CTNNA3: variants seen among roughly 807,000 people sequenced by gnomAD.
CTNNA3 encodes the protein catenin alpha-3.
CTNNA3 carries 76 observed loss-of-function variants against 95.7 expected under a neutral mutation model. That is an observed-to-expected ratio of 0.79 (90% CI 0.66 to 0.96). The LOEUF (loss-of-function observed/expected upper bound fraction) is 0.96, where lower values mean the gene tolerates loss of function less well. CTNNA3 is among the 40% of genes least tolerant of loss of function. The probability of loss-of-function intolerance (pLI) is 0.00; values close to 1 mark genes in which losing one functional copy is unlikely to be tolerated. For synonymous variants in CTNNA3, 431 were observed against 374.4 expected, an observed-to-expected ratio of 1.15 and a Z score of -1.74; for missense variants, 1,191 against 1,089.8, an observed-to-expected ratio of 1.09 and a Z score of -1.31.
intron 11 of CTNNA3, among the ~76,000 whole-genome samples, chr10:66,406,384 T>G (rs1315596051): frequency 6.6e-6 from 1 of 152,128 alleles, no homozygotes. Context: ...ATTGAAAAGC[T>G]TTTTCCTGTC....
intron 7 of CTNNA3, among the ~76,000 whole-genome samples, chr10:67,033,118 A>G (rs933923069): frequency 2.6e-5 from 4 of 152,264 alleles, no homozygotes; most frequent in African/African-American, 9.6e-5. Flanking sequence ...TTTAACAAAA[A>G]TAAATTGAAG....
intron 13 of CTNNA3, among the ~76,000 whole-genome samples, chr10:66,208,788 T>C (rs929119367): frequency 4.3e-4 from 65 of 152,020 alleles, no homozygotes; most frequent in African/African-American, 1.3e-3. Flanking sequence ...GCCGCAGATA[T>C]ACTTCACCCA....
intron 6 of CTNNA3, among the ~76,000 whole-genome samples, chr10:67,190,189 C>G (rs1863055064): frequency 6.6e-6 from 1 of 151,874 alleles, no homozygotes; most frequent in Admixed American, 6.6e-5. Context: ...AGACTGAGAT[C>G]ATGGCTCTAC....
intron 1 of CTNNA3, among the ~76,000 whole-genome samples, chr10:67,680,144 C>T (rs1840600353): frequency 6.6e-6 from 1 of 152,146 alleles, no homozygotes. Flanking sequence ...AGGCCCCAAG[C>T]AATCAGAGCT....
At chr10:67,231,225 C>T (rs1010553710) in intron 5 of CTNNA3, among the ~76,000 whole-genome samples, 9 of 152,244 alleles carry the variant, frequency 5.9e-5, no homozygotes, top group African/African-American at 2.2e-4. Flanking sequence ...GGGGGCAGCG[C>T]ACAGACAAAC....
chr10:65,954,345 A>T (rs1798873027), intron 17 of CTNNA3, among the ~76,000 whole-genome samples: 1 of 151,914 alleles, frequency 6.6e-6, no homozygotes, highest in African/African-American at 2.4e-5. Flanking sequence ...TTGCCTGCTC[A>T]CTCTGATGGT....
At chr10:67,491,101 T>C (rs1000968060) in intron 5 of CTNNA3, among the ~76,000 whole-genome samples, 7 of 151,336 alleles carry the variant, frequency 4.6e-5, no homozygotes, top group Non-Finnish European at 1.0e-4. Flanking sequence ...CAGTTGAAAA[T>C]ATCCCCTCAA....
At chr10:67,550,968 CAG>C (rs1841008088) in intron 3 of CTNNA3, among the ~76,000 whole-genome samples, 1 of 152,116 alleles carries the variant, frequency 6.6e-6, no homozygotes, top group South Asian at 2.1e-4. Context: ...GGAAAGGAGG[CAG>C]AGAAGAGCTG....
At chr10:67,609,015 G>C (rs545521081) in intron 2 of CTNNA3, among the ~76,000 whole-genome samples, 1 of 148,786 alleles carries the variant, frequency 6.7e-6, no homozygotes, top group Non-Finnish European at 1.5e-5. Flanking sequence ...GCTTGAACCC[G>C]GCAGGCAGAG....
intron 10 of CTNNA3, among the ~76,000 whole-genome samples, chr10:66,529,276 G>A (rs1841375115): frequency 6.6e-6 from 1 of 151,788 alleles, no homozygotes. Flanking sequence ...TTACAGATGT[G>A]TGCCACAGTG....
intron 15 of CTNNA3, among the ~76,000 whole-genome samples, chr10:66,003,739 G>A (rs553394730): frequency 3.3e-5 from 5 of 152,020 alleles, no homozygotes; most frequent in Non-Finnish European, 5.9e-5. Context: ...GTGTGATTTT[G>A]TACTGAAAAC....
At chr10:66,738,674 T>G (rs979977813) in intron 9 of CTNNA3, among the ~76,000 whole-genome samples, 2 of 152,186 alleles carry the variant, frequency 1.3e-5, no homozygotes, top group African/African-American at 4.8e-5. Flanking sequence ...AATAAGTGTA[T>G]GTATTCATTT....
chr10:67,551,207 C>G (rs368568263), intron 3 of CTNNA3, among the ~76,000 whole-genome samples: 1 of 152,140 alleles, frequency 6.6e-6, no homozygotes, highest in African/African-American at 2.4e-5. Context: ...GAGGAATACA[C>G]AAGCAGCTGA....
chr10:66,970,634 A>T (rs1357948455), intron 7 of CTNNA3, among the ~76,000 whole-genome samples: 2 of 152,128 alleles, frequency 1.3e-5, no homozygotes, highest in Non-Finnish European at 2.9e-5. Flanking sequence ...GTGACCTCAA[A>T]TATCCATGAA....
chr10:66,628,643 A>G (rs1369768427), intron 9 of CTNNA3, among the ~76,000 whole-genome samples: 1 of 152,170 alleles, frequency 6.6e-6, no homozygotes, highest in African/African-American at 2.4e-5. Flanking sequence ...TTAGAAATAA[A>G]TGGCAGTTCA....
chr10:66,046,695 A>AAAT (rs1766935680), intron 15 of CTNNA3, among the ~76,000 whole-genome samples: 1 of 152,144 alleles, frequency 6.6e-6, no homozygotes, highest in Non-Finnish European at 1.5e-5. Flanking sequence ...TTTTTGAAAA[A>AAAT]AATAATAAGA....
Position 66,089,358 on chromosome 10 carries a change from C to T in CTNNA3, c.1977+13799G>A, listed in dbSNP as rs562580236. ...CCTCTCTTTCTTTCTCCCTCCCTTC[C>T]TTTGCTCCCTTCCTTCCTTCCATCC... On this transcript the variant is annotated intron_variant, in intron 14 of 17. Transcript: ENST00000433211. Among the ~76,000 whole-genome samples, 15 of 151,720 alleles carry T rather than the reference C, an allele frequency of 9.9e-5. No homozygotes were observed. The South Asian group carries it at 2.9e-3, about 29-fold the overall frequency.
Position 67,606,934 on chromosome 10 carries a change from T to C in CTNNA3, c.215A>G (p.Lys72Arg). The change falls in exon 3 of 18, where the codon AAG becomes AGG. Residue 72 changes from lysine to arginine, a missense_variant. Physicochemically the swap from Lys to Arg is conservative, Grantham distance 26 (BLOSUM62 2). Transcript: ENST00000433211. ...AGCTTCCTGGGCAATCTTCTCTCCC[T>C]TGTCTAATAAATTCCAAGTTGCTTC... ...VEEATWNLLD[K>R]GEKIAQEATV... The C allele has an allele frequency of 6.2e-7, 1 of 1,614,094 alleles. No individual in the cohort carries two copies. The highest frequency in any genetic ancestry group is 8.5e-7 in the Non-Finnish European group (1 of 1,179,942).
At chr10:67,353,878 A>G (rs1842721774) in intron 5 of CTNNA3, among the ~76,000 whole-genome samples, 3 of 152,050 alleles carry the variant, frequency 2.0e-5, no homozygotes, top group African/African-American at 4.8e-5. Flanking sequence ...CATTGGAAAA[A>G]TAAGTCTCAG....
Sources: gnomAD v4.1 joint callset for allele counts (sites outside exome capture counted in the v4.1 genomes callset) on GRCh38, gnomAD v4.1.1 for gene constraint, MANE v1.5 for transcripts, NCBI Gene and HGNC (gene_info 2026-07-23, HGNC 2026-07-21) for gene names.